Variants in ARB2A observed in about 807,000 individuals in gnomAD.
The protein encoded by ARB2A is ARB2 cotranscriptional regulator A.
chr5:93,983,189 GT>G, the ARB2A span, among the ~76,000 whole-genome samples: 1 of 137,470 alleles, frequency 7.3e-6, no homozygotes, highest in African/African-American at 2.7e-5. Context: ...GTGTGTGTGT[GT>G]GTGTGTGTGT....
At chr5:93,670,526 C>T in the ARB2A span, among the ~76,000 whole-genome samples, 1 of 152,160 alleles carries the variant, frequency 6.6e-6, no homozygotes, top group African/African-American at 2.4e-5. Flanking sequence ...ATATATTCAG[C>T]ATAACTCAGG....
At chr5:93,916,508 C>G in the ARB2A span, among the ~76,000 whole-genome samples, 1 of 152,046 alleles carries the variant, frequency 6.6e-6, no homozygotes, top group African/African-American at 2.4e-5. Context: ...GGCATTTATG[C>G]TTTAAAAATA....
At chr5:93,673,758 G>A in the ARB2A span, among the ~76,000 whole-genome samples, 1 of 152,212 alleles carries the variant, frequency 6.6e-6, no homozygotes, top group East Asian at 1.9e-4. Context: ...GTAAGTGGGG[G>A]TAAATGTGAT....
the ARB2A span, chr5:93,683,123 G>A: frequency 8.6e-4 from 1,315 of 1,535,784 alleles, 12 homozygotes; most frequent in African/African-American, 0.016. Flanking sequence ...TTTGGCTGGA[G>A]TATCTCGTAT....
the ARB2A span, among the ~76,000 whole-genome samples, chr5:94,062,980 C>G: frequency 4.6e-5 from 7 of 152,250 alleles, no homozygotes; most frequent in African/African-American, 1.7e-4. Flanking sequence ...GGCCAAAGCA[C>G]AAGCAAAGCA....
At chr5:94,048,293 T>C in the ARB2A span, among the ~76,000 whole-genome samples, 4 of 152,082 alleles carry the variant, frequency 2.6e-5, no homozygotes, top group East Asian at 1.9e-4. Context: ...GACCTCGTGA[T>C]CCACCCTCCT....
At chr5:93,902,662 G>A in the ARB2A span, among the ~76,000 whole-genome samples, 1 of 152,224 alleles carries the variant, frequency 6.6e-6, no homozygotes, top group Non-Finnish European at 1.5e-5. Flanking sequence ...GAGAGTAGCA[G>A]ATTAGTTAAG....
At chr5:94,041,537 CTTAAA>C in the ARB2A span, among the ~76,000 whole-genome samples, 3 of 151,974 alleles carry the variant, frequency 2.0e-5, no homozygotes, top group African/African-American at 7.3e-5. Flanking sequence ...ATAATAAGAG[CTTAAA>C]TTAAATACAT....
At chr5:94,059,002 G>A in the ARB2A span, among the ~76,000 whole-genome samples, 4 of 151,924 alleles carry the variant, frequency 2.6e-5, no homozygotes, top group African/African-American at 9.7e-5. Context: ...CCTTTGATCT[G>A]CCATGATTGT....
At chr5:93,835,487 T>C in the ARB2A span, among the ~76,000 whole-genome samples, 1 of 152,208 alleles carries the variant, frequency 6.6e-6, no homozygotes, top group Non-Finnish European at 1.5e-5. Flanking sequence ...TTACAATTGA[T>C]TTTAGAAAAA....
At chr5:93,713,368 T>G in the ARB2A span, among the ~76,000 whole-genome samples, 1 of 151,966 alleles carries the variant, frequency 6.6e-6, no homozygotes, top group Non-Finnish European at 1.5e-5. Flanking sequence ...AAAAAAAATC[T>G]AATAATCCGA....
At chr5:93,968,380 A>T in the ARB2A span, among the ~76,000 whole-genome samples, 6 of 152,202 alleles carry the variant, frequency 3.9e-5, no homozygotes, top group Non-Finnish European at 8.8e-5. Flanking sequence ...CCAAGATACA[A>T]TAAAAAGTAA....
At chr5:93,913,793 T>G in the ARB2A span, among the ~76,000 whole-genome samples, 1 of 152,142 alleles carries the variant, frequency 6.6e-6, no homozygotes, top group African/African-American at 2.4e-5. Context: ...CAATATAAAC[T>G]TCTACAAATT....
chr5:93,922,414 A>C, the ARB2A span, among the ~76,000 whole-genome samples: 1 of 151,624 alleles, frequency 6.6e-6, no homozygotes, highest in African/African-American at 2.4e-5. Context: ...CATGCCTATA[A>C]TCCTAGCACT....
At chr5:93,754,119 T>A in the ARB2A span, among the ~76,000 whole-genome samples, 1 of 152,366 alleles carries the variant, frequency 6.6e-6, no homozygotes, top group East Asian at 1.9e-4. Flanking sequence ...AATTTGCCAG[T>A]AACTCTGCTT....
the ARB2A span, among the ~76,000 whole-genome samples, chr5:94,079,787 C>T: frequency 6.6e-6 from 1 of 152,094 alleles, no homozygotes; most frequent in Non-Finnish European, 1.5e-5. Flanking sequence ...TCTCCCAATA[C>T]TTTGGCAAAA....
chr5:93,698,008 G>A, the ARB2A span, among the ~76,000 whole-genome samples: 9 of 152,036 alleles, frequency 5.9e-5, no homozygotes, highest in Non-Finnish European at 8.8e-5. Flanking sequence ...TTAAAAAAAT[G>A]CAATACAGTC....
chr5:93,934,551 T>C, the ARB2A span, among the ~76,000 whole-genome samples: 1 of 152,168 alleles, frequency 6.6e-6, no homozygotes, highest in East Asian at 1.9e-4. Flanking sequence ...TCTCTTTGCC[T>C]GTAGTTGGGT....
the ARB2A span, among the ~76,000 whole-genome samples, chr5:93,859,454 C>T: frequency 1.3e-5 from 2 of 151,766 alleles, no homozygotes; most frequent in South Asian, 4.2e-4. Flanking sequence ...ATCACCTAGG[C>T]TAGGTAAGGA....
Sources: allele counts gnomAD v4.1 joint callset (sites outside exome capture counted in the v4.1 genomes callset), GRCh38; gene constraint gnomAD v4.1.1; transcripts MANE v1.5; gene names NCBI Gene and HGNC (gene_info 2026-07-23, HGNC 2026-07-21).